The following ALG12 variants were observed in gnomAD, a reference collection of about 807,000 sequenced individuals.
ALG12 encodes ALG12 alpha-1,6-mannosyltransferase.
In ALG12, 36 loss-of-function variants were observed where a neutral mutation model predicts 46.0. The ratio of observed to expected loss-of-function variants is 0.78; its 90% CI spans 0.60 to 1.03. The LOEUF (loss-of-function observed/expected upper bound fraction) is 1.03, where lower values mean the gene tolerates loss of function less well. ALG12 is among the 50% of genes least tolerant of loss of function. The probability of loss-of-function intolerance (pLI) is 0.00; values close to 1 mark genes in which losing one functional copy is unlikely to be tolerated. For missense variants in ALG12, 599 were observed against 633.5 expected, an observed-to-expected ratio of 0.95 and a Z score of 0.58; for synonymous variants, 326 against 291.6, an observed-to-expected ratio of 1.12 and a Z score of -1.20.
the ALG12 span, among the ~76,000 whole-genome samples, chr22:49,863,926 A>G: frequency 6.6e-6 from 1 of 152,206 alleles, no homozygotes; most frequent in African/African-American, 2.4e-5. Context: ...AGCCCCTACA[A>G]GCTGGCTCCT....
rs370052902 is a variant in ALG12, at chr22:49,903,071, G to A, written c.*767C>T. On this transcript the variant is annotated 3_prime_UTR_variant, in exon 10 of 10. Transcript: ENST00000330817. ...TCTCCAGTGCCCAGCAGCATCACAC[G>A]CACTTTGGTGCTTTATAAATGCATG... The A allele has an allele frequency of 1.7e-5, 6 of 349,242 alleles. No homozygotes were observed. Among genetic ancestry groups the A allele is most frequent in the Non-Finnish European group, 3.4e-5 (6 of 179,022 alleles). 21.6% of individuals were successfully genotyped at this position (349,242 alleles called of 1,614,324 possible).
intron 3 of ALG12, 97 bp from the exon 4 acceptor site, chr22:49,910,704 G>A (rs966088453): frequency 4.3e-6 from 6 of 1,401,996 alleles, no homozygotes; most frequent in Non-Finnish European, 6.0e-6. Flanking sequence ...TCTATATGGA[G>A]TTTTCTATGC....
the ALG12 span, chr22:49,888,595 A>C: frequency 5.4e-5 from 9 of 167,278 alleles, no homozygotes; most frequent in African/African-American, 2.2e-4. Flanking sequence ...TAATTCTTAC[A>C]ACAACAGTTC....
rs1417722212 is a variant in ALG12, at chr22:49,901,939, ACGG to A, written c.*1896_*1898del. ...GTGCACGCATGCACTGTGTGTATGC[ACGG>A]TAATGTGCACGTGTGCACTGTGTGT... On this transcript the variant is annotated 3_prime_UTR_variant, in exon 10 of 10. Coordinates refer to ENST00000330817, the MANE Select transcript of ALG12 (RefSeq NM_024105.4). 19 of 121,828 alleles carry A rather than the reference ACGG, an allele frequency of 1.6e-4. No individual in the cohort carries two copies. The highest frequency in any genetic ancestry group is 6.1e-4 in the African/African-American group (18 of 29,742). 7.5% of individuals were successfully genotyped at this position (121,828 alleles called of 1,614,324 possible).
the ALG12 span, among the ~76,000 whole-genome samples, chr22:49,877,825 C>T: frequency 2.6e-5 from 4 of 152,146 alleles, no homozygotes; most frequent in Non-Finnish European, 5.9e-5. Context: ...CCCCTCCTCC[C>T]GCCAGCACAG....
chr22:49,885,091 T>G, the ALG12 span: 5 of 1,613,548 alleles, frequency 3.1e-6, no homozygotes, highest in East Asian at 1.1e-4. Flanking sequence ...CAAGGCCGAG[T>G]GTCGGTACTG....
rs759301465 is a variant in ALG12 at position 49,909,280 on chromosome 22, C to G, written c.732G>C (p.Trp244Cys). 3 of 1,614,254 alleles carry G rather than the reference C, an allele frequency of 1.9e-6. No homozygotes were observed. Among genetic ancestry groups the G allele is most frequent in the Non-Finnish European group, 2.5e-6 (3 of 1,180,044 alleles). The stretch of plus-strand genomic sequence containing the variant: ...AGCTTTTGTTCAGGACAGTGTTGTA[C>G]CAAAGCACCTTTCCTTCCGGCCAAG... ...QLTWPEGKVL[W>C]YNTVLNKSSN... is the part of the protein sequence containing the mutation. The change falls in exon 6 of 10, where the codon TGG (tryptophan) becomes TGC (cysteine). Residue 244 changes from tryptophan to cysteine, a missense_variant. Physicochemically the swap from Trp to Cys is radical, Grantham distance 215 (BLOSUM62 -2). Transcript: ENST00000330817.
the ALG12 span, chr22:49,887,638 G>A: frequency 5.8e-6 from 1 of 171,258 alleles, no homozygotes; most frequent in Admixed American, 6.2e-5. Context: ...GTAAATAGGA[G>A]GTGGAGGGCA....
At chr22:49,904,881 A>G (rs2060534583) in intron 7 of ALG12, among the ~76,000 whole-genome samples, 1 of 152,126 alleles carries the variant, frequency 6.6e-6, no homozygotes, top group Non-Finnish European at 1.5e-5. Flanking sequence ...CTGGGACTAC[A>G]GGTGCACGCC....
At chr22:49,878,455 A>G in the ALG12 span, among the ~76,000 whole-genome samples, 1 of 152,248 alleles carries the variant, frequency 6.6e-6, no homozygotes, top group Non-Finnish European at 1.5e-5. Context: ...AGATCCACAC[A>G]TATGCGAGCA....
chr22:49,874,316 G>A, the ALG12 span, among the ~76,000 whole-genome samples: 2 of 152,094 alleles, frequency 1.3e-5, no homozygotes, highest in Admixed American at 1.3e-4. Context: ...AGGTAGAAGT[G>A]TTGGCAAATG....
chr22:49,870,617 T>C, the ALG12 span, among the ~76,000 whole-genome samples: 15 of 152,200 alleles, frequency 9.9e-5, no homozygotes, highest in African/African-American at 3.6e-4. Context: ...GCCACTTTTA[T>C]GTCTCCTTTC....
rs568954798 is a variant in ALG12, at chr22:49,906,429, C to G, written c.992+1292G>C. Among the ~76,000 whole-genome samples, 1 of 152,092 alleles carries G rather than the reference C, an allele frequency of 6.6e-6. No homozygotes were observed. The highest frequency in any genetic ancestry group is 6.5e-5 in the Admixed American group (1 of 15,276). On this transcript the variant is annotated intron_variant, in intron 7 of 9. Coordinates refer to ENST00000330817, the MANE Select transcript of ALG12 (RefSeq NM_024105.4). The surrounding 1 kb of genome is among the most constrained non-coding windows in gnomAD (Gnocchi z 4.4). ...CCCACTGAGGCGCGGCTACAGCAGC[C>G]AGAGGAGCCCCCAACCCAGGCACGG...
chr22:49,910,736 C>T, intron 3 of ALG12, 129 bp from the exon 4 acceptor site: 1 of 1,112,028 alleles, frequency 9.0e-7, no homozygotes, highest in South Asian at 1.3e-5. Flanking sequence ...CAGCTGACGG[C>T]TACGTCAGGC....
chr22:49,880,604 A>G, the ALG12 span, among the ~76,000 whole-genome samples: 3 of 152,306 alleles, frequency 2.0e-5, 1 homozygote, highest in Admixed American at 2.0e-4. Context: ...CTGGCTTATG[A>G]GTTGTCTGAG....
chr22:49,896,381 C>T (rs2060483622), downstream of ALG12, among the ~76,000 whole-genome samples: 1 of 152,230 alleles, frequency 6.6e-6, no homozygotes, highest in African/African-American at 2.4e-5. Context: ...TCTCTAGTAT[C>T]CTCCTATTGA....
the ALG12 span, among the ~76,000 whole-genome samples, chr22:49,876,226 G>A: frequency 2.0e-5 from 3 of 152,292 alleles, no homozygotes; most frequent in Non-Finnish European, 4.4e-5. Flanking sequence ...AAGGTTTTGT[G>A]TACACTTGTA....
At chr22:49,869,120 T>TC in the ALG12 span, among the ~76,000 whole-genome samples, 6 of 110,374 alleles carry the variant, frequency 5.4e-5, no homozygotes, top group African/African-American at 2.8e-4. Context: ...CAAAACTGTC[T>TC]CAAAAAAAAA....
the ALG12 span, among the ~76,000 whole-genome samples, chr22:49,873,549 A>G: frequency 1.3e-5 from 2 of 152,238 alleles, no homozygotes; most frequent in Non-Finnish European, 2.9e-5. Flanking sequence ...CAGAATTACC[A>G]AAATGTGACA....
Sources: gnomAD v4.1 joint callset for allele counts (sites outside exome capture counted in the v4.1 genomes callset) on GRCh38, gnomAD v4.1.1 for gene constraint, Gnocchi (gnomAD v3.1) non-coding constraint, MANE v1.5 for transcripts, NCBI Gene and HGNC (gene_info 2026-07-23, HGNC 2026-07-21) for gene names.